The following RABGAP1L variants were observed in gnomAD, a reference collection of about 807,000 sequenced individuals.
The protein encoded by RABGAP1L is rab GTPase-activating protein 1-like.
RABGAP1L carries 63 observed loss-of-function variants against 137.7 expected under a neutral mutation model. The ratio of observed to expected loss-of-function variants is 0.46; its 90% CI spans 0.37 to 0.56. The LOEUF (loss-of-function observed/expected upper bound fraction) is 0.56, where lower values mean the gene tolerates loss of function less well. Among genes scored for constraint, RABGAP1L ranks in the 20% least tolerant of loss-of-function variants. The pLI is 0.00. For missense variants in RABGAP1L, 1,095 were observed against 1,244.0 expected, an observed-to-expected ratio of 0.88 and a Z score of 1.80; for synonymous variants, 431 against 433.7, an observed-to-expected ratio of 0.99 and a Z score of 0.08.
At chr1:174,421,271 C>T (rs1286904546) in intron 13 of RABGAP1L, among the ~76,000 whole-genome samples, 5 of 152,186 alleles carry the variant, frequency 3.3e-5, no homozygotes, top group Non-Finnish European at 7.3e-5. Context: ...TCTCCATCTT[C>T]TTTGCTACCG....
At chr1:174,862,033 A>T (rs75550079) in intron 19 of RABGAP1L, among the ~76,000 whole-genome samples, 2,538 of 152,192 alleles carry the variant, frequency 0.017, 69 homozygotes, top group African/African-American at 0.058. Flanking sequence ...AGTGTAAAGG[A>T]GTTTTTCCCT....
intron 1 of RABGAP1L, among the ~76,000 whole-genome samples, chr1:174,204,825 C>G (rs1033829320): frequency 6.6e-5 from 10 of 152,122 alleles, no homozygotes; most frequent in African/African-American, 2.2e-4. Context: ...GTACTTCCCC[C>G]TTCACTCTCT....
intron 19 of RABGAP1L, among the ~76,000 whole-genome samples, chr1:174,863,069 T>G (rs965711583): frequency 6.6e-6 from 1 of 151,434 alleles, no homozygotes; most frequent in African/African-American, 2.4e-5. Context: ...AATTTTTGTA[T>G]TTTTAGTAGA....
intron 12 of RABGAP1L, among the ~76,000 whole-genome samples, chr1:174,376,334 A>AT (rs553063350): frequency 6.0e-4 from 91 of 151,246 alleles, no homozygotes; most frequent in Non-Finnish European, 1.1e-3. Flanking sequence ...TTTCCAGCTA[A>AT]TTTATGTCAT....
intron 13 of RABGAP1L, among the ~76,000 whole-genome samples, chr1:174,498,426 G>T (rs1660940074): frequency 6.6e-6 from 1 of 152,062 alleles, no homozygotes; most frequent in Non-Finnish European, 1.5e-5. Flanking sequence ...GAAAAACCAG[G>T]TCTATTGAAC....
chr1:174,445,228 C>G (rs979995269), intron 13 of RABGAP1L, among the ~76,000 whole-genome samples: 1 of 152,010 alleles, frequency 6.6e-6, no homozygotes, highest in Non-Finnish European at 1.5e-5. Flanking sequence ...AAATGCTGAT[C>G]CCCTAAGAAG....
chr1:174,585,553 G>C (rs767646112), intron 13 of RABGAP1L, among the ~76,000 whole-genome samples: 19 of 152,340 alleles, frequency 1.2e-4, no homozygotes, highest in Non-Finnish European at 2.1e-4. Context: ...CTTGAAGAAA[G>C]TATAGGAAAG....
chr1:174,700,822 G>A (rs1007617854), intron 16 of RABGAP1L: 16 of 201,936 alleles, frequency 7.9e-5, no homozygotes, highest in African/African-American at 3.1e-4. Context: ...GGGATTACTC[G>A]CTTTTTGCCT....
At position 174,988,855 on chromosome 1, in the gene RABGAP1L, AAG is replaced by A; in HGVS notation, c.3003+19_3003+20del. ...AAAATTCAGGTTGGTGATTTGATAA[AAG>A]AACAAGAAGAAAGAATAAACAATTA... On this transcript the variant is annotated intron_variant, in intron 25 of 25. Coordinates refer to ENST00000681986, the MANE Select transcript of RABGAP1L (RefSeq NM_001366446.1). The A allele has an allele frequency of 6.6e-7, 1 of 1,525,778 alleles. No individual in the cohort carries two copies. The highest frequency in any genetic ancestry group is 1.7e-4 in the Middle Eastern group (1 of 5,834). 94.5% of individuals were successfully genotyped at this position (1,525,778 alleles called of 1,614,324 possible).
chr1:174,612,463 T>C (rs1572507515), intron 13 of RABGAP1L, among the ~76,000 whole-genome samples: 1 of 152,230 alleles, frequency 6.6e-6, no homozygotes, highest in Admixed American at 6.5e-5. Flanking sequence ...TTTGCCAGTA[T>C]TTTATTCAGG....
chr1:174,677,381 G>A (rs1337850419), intron 14 of RABGAP1L, among the ~76,000 whole-genome samples: 1 of 152,118 alleles, frequency 6.6e-6, no homozygotes, highest in Non-Finnish European at 1.5e-5. Context: ...GGATTAATTA[G>A]GCCTAACATT....
intron 13 of RABGAP1L, among the ~76,000 whole-genome samples, chr1:174,491,213 C>T (rs1660196182): frequency 6.6e-6 from 1 of 152,102 alleles, no homozygotes; most frequent in Non-Finnish European, 1.5e-5. Flanking sequence ...CAGAGTCTCA[C>T]CCAAAACCCA....
intron 19 of RABGAP1L, among the ~76,000 whole-genome samples, chr1:174,839,252 A>G (rs186905107): frequency 3.3e-5 from 5 of 152,314 alleles, no homozygotes; most frequent in Non-Finnish European, 5.9e-5. Flanking sequence ...ATGAGTTCCC[A>G]TAAGGCCTAG....
chr1:174,542,400 T>C (rs1665545702), intron 13 of RABGAP1L, among the ~76,000 whole-genome samples: 1 of 152,234 alleles, frequency 6.6e-6, no homozygotes, highest in Non-Finnish European at 1.5e-5. Context: ...TATAGTATTC[T>C]CTGATGGTAG....
chr1:174,548,186 T>C, intron 13 of RABGAP1L: 1 of 1,446,590 alleles, frequency 6.9e-7, no homozygotes, highest in Non-Finnish European at 9.1e-7. Context: ...GTGTGCATAA[T>C]CTCTCAGGGT....
intron 19 of RABGAP1L, among the ~76,000 whole-genome samples, chr1:174,828,313 G>C (rs970707697): frequency 6.1e-5 from 9 of 147,950 alleles, no homozygotes; most frequent in African/African-American, 2.2e-4. Flanking sequence ...TGAGTTGTCT[G>C]TCTGGAAAAC....
chr1:174,826,896 A>G (rs1039503978), intron 19 of RABGAP1L, among the ~76,000 whole-genome samples: 1 of 152,124 alleles, frequency 6.6e-6, no homozygotes, highest in African/African-American at 2.4e-5. Flanking sequence ...ATGATTAGTG[A>G]TGATGAGCAT....
chr1:174,809,321 T>G (rs1252108512), intron 18 of RABGAP1L, among the ~76,000 whole-genome samples: 3 of 152,158 alleles, frequency 2.0e-5, no homozygotes, highest in Admixed American at 6.5e-5. Flanking sequence ...TGAGTTAGGC[T>G]TCAGCCCCAC....
chr1:174,168,350 G>C (rs1310871317), intron 1 of RABGAP1L, among the ~76,000 whole-genome samples: 1 of 151,878 alleles, frequency 6.6e-6, no homozygotes, highest in Non-Finnish European at 1.5e-5. Context: ...CCATTGAAGG[G>C]AGGTTATATA....
Sources: allele counts gnomAD v4.1 joint callset (sites outside exome capture counted in the v4.1 genomes callset), GRCh38; gene constraint gnomAD v4.1.1; transcripts MANE v1.5; gene names NCBI Gene and HGNC (gene_info 2026-07-23, HGNC 2026-07-21).